The following NEGR1 variants were observed in gnomAD, a reference collection of about 807,000 sequenced individuals.
The protein encoded by NEGR1 is neuronal growth regulator 1.
In NEGR1, 10 loss-of-function variants were observed where a neutral mutation model predicts 40.9. The observed-to-expected ratio is 0.24, with a 90% confidence interval of 0.15 to 0.42. NEGR1 has a LOEUF of 0.42. Among genes scored for constraint, NEGR1 ranks in the 10% least tolerant of loss-of-function variants. The probability of loss-of-function intolerance (pLI) is 1.00; values close to 1 mark genes in which losing one functional copy is unlikely to be tolerated. For missense variants in NEGR1, 352 were observed against 438.9 expected, an observed-to-expected ratio of 0.80 and a Z score of 1.77; for synonymous variants, 185 against 166.8, an observed-to-expected ratio of 1.11 and a Z score of -0.84.
intron 1 of NEGR1, among the ~76,000 whole-genome samples, chr1:72,194,731 C>A (rs1328863919): frequency 1.3e-5 from 2 of 152,022 alleles, no homozygotes; most frequent in Non-Finnish European, 2.9e-5. Context: ...ATTTGTCTTC[C>A]TTCTGTCTAT....
chr1:71,769,209 A>G (rs1255494585), intron 3 of NEGR1, among the ~76,000 whole-genome samples: 1 of 151,994 alleles, frequency 6.6e-6, no homozygotes, highest in Admixed American at 6.5e-5. Flanking sequence ...TATTAATACA[A>G]TCATATGTAA....
chr1:72,240,119 G>C (rs1273995002), intron 1 of NEGR1, among the ~76,000 whole-genome samples: 1 of 151,826 alleles, frequency 6.6e-6, no homozygotes, highest in Admixed American at 6.6e-5. Flanking sequence ...CATTAAAATT[G>C]AGTGGAATAA....
At chr1:71,951,241 G>T (rs1484260872) in intron 1 of NEGR1, among the ~76,000 whole-genome samples, 1 of 151,872 alleles carries the variant, frequency 6.6e-6, no homozygotes, top group Non-Finnish European at 1.5e-5. Flanking sequence ...TACATATAAT[G>T]AGAAACAGTT....
chr1:71,574,707 T>C (rs1004542733), intron 6 of NEGR1, among the ~76,000 whole-genome samples: 5 of 152,186 alleles, frequency 3.3e-5, no homozygotes, highest in African/African-American at 1.2e-4. Context: ...AAATTTATGT[T>C]CTATTTTAGC....
intron 1 of NEGR1, among the ~76,000 whole-genome samples, chr1:71,953,141 C>A (rs186086529): frequency 4.2e-4 from 64 of 151,900 alleles, no homozygotes; most frequent in African/African-American, 1.4e-3. Flanking sequence ...AACTTTCAAG[C>A]CTTATTACTT....
In NEGR1 at chr1:72,154,565, T is replaced by G. The variant is rs140005257; in HGVS notation, c.176+127754A>C. 3.5e-3 allele frequency among the ~76,000 whole-genome samples: 531 copies of G among 152,118 alleles called. 5 individuals are homozygous for G. The highest frequency in any genetic ancestry group is 0.012 in the African/African-American group (513 of 41,554). ...GTACGAACTCACCAAATAGGAAATA[T>G]TTTTAGCTGGTTCAAACATTAACAA... On this transcript the variant is annotated intron_variant, in intron 1 of 6. Transcript: ENST00000357731.
intron 6 of NEGR1, among the ~76,000 whole-genome samples, chr1:71,547,397 C>T (rs943115201): frequency 4.0e-5 from 6 of 151,522 alleles, no homozygotes; most frequent in Non-Finnish European, 7.4e-5. Context: ...GCAAAGTTAC[C>T]GGAGTGAAAA....
intron 1 of NEGR1, among the ~76,000 whole-genome samples, chr1:72,128,303 A>G (rs1472863617): frequency 1.3e-5 from 2 of 152,226 alleles, no homozygotes; most frequent in Non-Finnish European, 2.9e-5. Context: ...CTTTAAAGAT[A>G]GCATATATTG....
chr1:71,829,136 TAGG>T (rs1349784226), intron 2 of NEGR1, among the ~76,000 whole-genome samples: 1 of 152,012 alleles, frequency 6.6e-6, no homozygotes, highest in Non-Finnish European at 1.5e-5. Flanking sequence ...TTGCAGGATA[TAGG>T]AGTTTTTCTG....
At chr1:71,956,688 T>C (rs1646122199) in intron 1 of NEGR1, among the ~76,000 whole-genome samples, 1 of 152,150 alleles carries the variant, frequency 6.6e-6, no homozygotes, top group South Asian at 2.1e-4. Context: ...ATTTCTATTT[T>C]ACCTTCTGTG....
chr1:72,132,190 T>G (rs2100315512), intron 1 of NEGR1, among the ~76,000 whole-genome samples: 1 of 152,328 alleles, frequency 6.6e-6, no homozygotes, highest in Non-Finnish European at 1.5e-5. Flanking sequence ...AACGGTAAAC[T>G]AATGTGATTT....
chr1:71,757,451 T>G (rs1044103517), intron 3 of NEGR1, among the ~76,000 whole-genome samples: 1 of 152,110 alleles, frequency 6.6e-6, no homozygotes, highest in Non-Finnish European at 1.5e-5. Flanking sequence ...TTTGGCTTTG[T>G]TTAGGTTAAT....
At chr1:72,105,688 G>GGA (rs1038095665) in intron 1 of NEGR1, among the ~76,000 whole-genome samples, 3 of 151,788 alleles carry the variant, frequency 2.0e-5, no homozygotes, top group South Asian at 2.1e-4. Flanking sequence ...TTTCAAACAT[G>GGA]GAGAGAGAGA....
chr1:72,097,099 T>G (rs567940333), intron 1 of NEGR1, among the ~76,000 whole-genome samples: 1 of 152,330 alleles, frequency 6.6e-6, no homozygotes, highest in South Asian at 2.1e-4. Flanking sequence ...GTTTTACTTT[T>G]TATTTTCTCT....
At chr1:72,252,328 G>A (rs925501509) in intron 1 of NEGR1, among the ~76,000 whole-genome samples, 4 of 152,162 alleles carry the variant, frequency 2.6e-5, no homozygotes, top group Admixed American at 2.0e-4. Context: ...ACAGGCATGA[G>A]CCATTGCGCC....
chr1:71,759,878 G>T (rs1262224932), intron 3 of NEGR1, among the ~76,000 whole-genome samples: 2 of 151,624 alleles, frequency 1.3e-5, no homozygotes, highest in Non-Finnish European at 1.5e-5. Context: ...CAAATTACTG[G>T]GATTACAGGC....
At chr1:72,266,694 A>AGT (rs1161377457) in intron 1 of NEGR1, among the ~76,000 whole-genome samples, 23 of 143,448 alleles carry the variant, frequency 1.6e-4, no homozygotes, top group South Asian at 2.2e-4. Flanking sequence ...AAATGTACCA[A>AGT]GTGTGTGTGT....
chr1:71,772,206 A>T (rs1404544175), intron 3 of NEGR1, among the ~76,000 whole-genome samples: 1 of 152,014 alleles, frequency 6.6e-6, no homozygotes, highest in Non-Finnish European at 1.5e-5. Context: ...TATTCTATTT[A>T]AAAAGGGGTC....
At position 71,778,625 on chromosome 1, in the gene NEGR1, T is replaced by C. The variant is rs187647547; in HGVS notation, c.410-2328A>G. On this transcript the variant is annotated intron_variant, in intron 2 of 6. Transcript: ENST00000357731. ...AATTATATAGTGCTTTTTTCCTTTA[T>C]ATAGAAGATAGTATATAGGGCTCTT... Among the ~76,000 whole-genome samples, 4 of 152,322 alleles carry C rather than the reference T, an allele frequency of 2.6e-5. No individual in the cohort carries two copies. The East Asian group carries it at 5.8e-4, about 22-fold the overall frequency.
Sources: gnomAD v4.1 joint callset for allele counts (sites outside exome capture counted in the v4.1 genomes callset) on GRCh38, gnomAD v4.1.1 for gene constraint, MANE v1.5 for transcripts, NCBI Gene and HGNC (gene_info 2026-07-23, HGNC 2026-07-21) for gene names.